Variants in TLL1 observed in about 807,000 individuals in gnomAD.
TLL1 encodes the protein tolloid-like protein 1.
A neutral mutation model predicts 128.2 loss-of-function variants in TLL1; 49 were observed. That is an observed-to-expected ratio of 0.38 (90% CI 0.30 to 0.48). The LOEUF (loss-of-function observed/expected upper bound fraction) is 0.48, where lower values mean the gene tolerates loss of function less well. TLL1 is among the 20% of genes least tolerant of loss of function. TLL1 has a pLI of 0.96. For missense variants in TLL1, 1,123 were observed against 1,242.0 expected (o/e 0.90, Z 1.44); for synonymous variants, 454 against 418.8 (o/e 1.08, Z -1.03).
chr4:165,981,953 C>T (rs1736166028), intron 1 of TLL1, among the ~76,000 whole-genome samples: 4 of 152,004 alleles, frequency 2.6e-5, no homozygotes, highest in Admixed American at 6.6e-5. Context: ...TAAGATGGAT[C>T]ATCAGCATGA....
intron 1 of TLL1, 79 bp from the exon 2 acceptor site, chr4:165,989,302 C>G (rs1736527016): frequency 2.8e-6 from 3 of 1,080,506 alleles, no homozygotes; most frequent in Non-Finnish European, 4.2e-6. Flanking sequence ...ATATTTTTAA[C>G]AATGCTTTTC....
Position 166,008,708 on chromosome 4 carries a change from A to G in TLL1, c.917+660A>G, listed in dbSNP as rs148160708. ...TTCTAAAGATGATGTCATCAAGCAAATAGTTCCCAGGTAAGGAATTTGGAA... is the reference window on the plus strand; with the variant it reads ...TTCTAAAGATGATGTCATCAAGCAAGTAGTTCCCAGGTAAGGAATTTGGAA... On this transcript the variant is annotated intron_variant, in intron 7 of 20. Coordinates refer to ENST00000061240, the MANE Select transcript of TLL1 (RefSeq NM_012464.5). Among the ~76,000 whole-genome samples the G allele has an allele frequency of 1.3e-3, 191 of 151,586 alleles. 1 individual carries two copies. Among genetic ancestry groups the G allele is most frequent in the African/African-American group, 4.1e-3 (172 of 41,498 alleles).
chr4:165,913,467 T>C (rs1251970903), intron 1 of TLL1, among the ~76,000 whole-genome samples: 1 of 152,210 alleles, frequency 6.6e-6, no homozygotes, highest in Non-Finnish European at 1.5e-5. Flanking sequence ...TGTAGCTTAC[T>C]CACTTGAGAA....
intron 18 of TLL1, among the ~76,000 whole-genome samples, chr4:166,090,747 C>A (rs1243043304): frequency 6.6e-6 from 1 of 151,952 alleles, no homozygotes; most frequent in Non-Finnish European, 1.5e-5. Context: ...TCAACGGGTT[C>A]TATGATTATC....
chr4:165,874,090 G>C lies in TLL1; in HGVS notation c.169+17G>C, dbSNP rs1453573593. On this transcript the variant is annotated intron_variant, in intron 1 of 20. Transcript: ENST00000061240. Reference sequence around the variant, plus strand: ...GTAAAGCCGGTAAGTGGCTCTCCAGGTTGGGACGGTGGCGCGCCGGGGGCC... The same window carrying C: ...GTAAAGCCGGTAAGTGGCTCTCCAGCTTGGGACGGTGGCGCGCCGGGGGCC... 6.2e-7 allele frequency: 1 copy of C among 1,613,870 alleles called. No individual in the cohort carries two copies. Among genetic ancestry groups the C allele is most frequent in the Non-Finnish European group, 8.5e-7 (1 of 1,179,952 alleles).
rs1742325696 is a variant in TLL1, at chr4:166,102,309, G to A, written c.*1433G>A. ...GTGTCCTGCTTTTTTTGTAGAAAATGTAATTTGAGGATGAATTTTCTGCTT... is the reference window on the plus strand; with the variant it reads ...GTGTCCTGCTTTTTTTGTAGAAAATATAATTTGAGGATGAATTTTCTGCTT... On this transcript the variant is annotated 3_prime_UTR_variant, in exon 21 of 21. Coordinates refer to ENST00000061240, the MANE Select transcript of TLL1 (RefSeq NM_012464.5). 2 of 152,386 alleles carry A rather than the reference G, an allele frequency of 1.3e-5. No homozygotes were observed. 9.4% of individuals were successfully genotyped at this position (152,386 alleles called of 1,614,324 possible). A position where few individuals can be genotyped will look rare whatever the true frequency, so the allele number is the denominator to read the frequency against.
At chr4:165,991,397 G>T (rs1318894316) in intron 2 of TLL1, among the ~76,000 whole-genome samples, 1 of 151,906 alleles carries the variant, frequency 6.6e-6, no homozygotes, top group Non-Finnish European at 1.5e-5. Context: ...TTACATAATG[G>T]TCATTTCAAA....
intron 1 of TLL1, among the ~76,000 whole-genome samples, chr4:165,908,757 G>T (rs1732390751): frequency 6.6e-6 from 1 of 152,100 alleles, no homozygotes; most frequent in African/African-American, 2.4e-5. Context: ...ACAGAGGCAG[G>T]AGAGACTGTG....
At chr4:166,090,568 A>G (rs2111157367) in intron 18 of TLL1, among the ~76,000 whole-genome samples, 1 of 152,196 alleles carries the variant, frequency 6.6e-6, no homozygotes, top group Admixed American at 6.6e-5. Flanking sequence ...AGCATTAAGT[A>G]TTATCAGTGT....
chr4:165,904,539 C>T (rs1163402920), intron 1 of TLL1, among the ~76,000 whole-genome samples: 1 of 152,134 alleles, frequency 6.6e-6, no homozygotes, highest in African/African-American at 2.4e-5. Flanking sequence ...ATGAAGATGT[C>T]AATCATTTGA....
chr4:165,903,733 T>TCACACA (rs5863787), intron 1 of TLL1, among the ~76,000 whole-genome samples: 4,840 of 144,818 alleles, frequency 0.033, 154 homozygotes, highest in African/African-American at 0.084. Flanking sequence ...TAAGTTCTTA[T>TCACACA]CACACACACA....
chr4:165,975,902 G>T (rs1735854557), intron 1 of TLL1, among the ~76,000 whole-genome samples: 1 of 151,890 alleles, frequency 6.6e-6, no homozygotes, highest in Non-Finnish European at 1.5e-5. Context: ...GCTGGGCGTG[G>T]TGGTGTGCAC....
At chr4:166,075,188 C>T (rs970587049) in intron 17 of TLL1, among the ~76,000 whole-genome samples, 185 bp downstream of exon 17, 2 of 152,156 alleles carry the variant, frequency 1.3e-5, no homozygotes, top group Non-Finnish European at 2.9e-5. Flanking sequence ...CTGTACTTCG[C>T]ACATAGATGG....
At chr4:166,089,422 G>A (rs900299280) in intron 18 of TLL1, among the ~76,000 whole-genome samples, 1 of 152,092 alleles carries the variant, frequency 6.6e-6, no homozygotes, top group African/African-American at 2.4e-5. Flanking sequence ...ACGTCAGCTA[G>A]GTTTTTGGGT....
chr4:166,041,963 C>A (rs923836598), intron 10 of TLL1, 64 bp from the exon 11 acceptor site: 1 of 1,169,688 alleles, frequency 8.5e-7, no homozygotes, highest in Non-Finnish European at 1.3e-6. Context: ...GTGACTAGTA[C>A]AAAAAGAACG....
At chr4:165,893,038 A>G (rs1731494278) in intron 1 of TLL1, among the ~76,000 whole-genome samples, 2 of 152,102 alleles carry the variant, frequency 1.3e-5, no homozygotes, top group South Asian at 4.1e-4. Flanking sequence ...TGAGACTATC[A>G]CTCTATAGGC....
chr4:165,918,476 T>A (rs1455920445), intron 1 of TLL1, among the ~76,000 whole-genome samples: 1 of 152,114 alleles, frequency 6.6e-6, no homozygotes, highest in African/African-American at 2.4e-5. Flanking sequence ...GAAATTAGAA[T>A]CTCTGTGAGG....
At chr4:165,925,991 C>T (rs1305102294) in intron 1 of TLL1, among the ~76,000 whole-genome samples, 1 of 152,092 alleles carries the variant, frequency 6.6e-6, no homozygotes, top group Non-Finnish European at 1.5e-5. Context: ...ACTTAATAGA[C>T]TACAGCGTAG....
chr4:166,023,072 A>G (rs1001256462), intron 8 of TLL1, among the ~76,000 whole-genome samples: 1 of 152,176 alleles, frequency 6.6e-6, no homozygotes, highest in Non-Finnish European at 1.5e-5. Context: ...GCATGCGATG[A>G]TGTAATTAAT....
Sources: gnomAD v4.1 joint callset for allele counts (sites outside exome capture counted in the v4.1 genomes callset) on GRCh38, gnomAD v4.1.1 for gene constraint, MANE v1.5 for transcripts, NCBI Gene and HGNC (gene_info 2026-07-23, HGNC 2026-07-21) for gene names.